Variants in CHLSN observed in about 807,000 individuals in gnomAD.
CHLSN encodes the protein protein cholesin.
chr7:1,004,913 G>C, the CHLSN span, among the ~76,000 whole-genome samples: 1 of 152,174 alleles, frequency 6.6e-6, no homozygotes, highest in Non-Finnish European at 1.5e-5. Context: ...GCTGCCTAGA[G>C]CGTCCCAGAG....
chr7:1,019,205 A>G, the CHLSN span, among the ~76,000 whole-genome samples: 1 of 86,228 alleles, frequency 1.2e-5, no homozygotes, highest in African/African-American at 4.8e-5. Context: ...AAAAAAAAAA[A>G]AAAAAACGGG....
At chr7:1,085,534 C>T in the CHLSN span, among the ~76,000 whole-genome samples, 1 of 152,164 alleles carries the variant, frequency 6.6e-6, no homozygotes. Context: ...AGATCAAGCA[C>T]GCAGAGCACC....
the CHLSN span, among the ~76,000 whole-genome samples, chr7:1,135,680 T>C: frequency 6.6e-6 from 1 of 150,484 alleles, no homozygotes; most frequent in Non-Finnish European, 1.5e-5. Flanking sequence ...GGCAGGAGAA[T>C]CGTTTGAATA....
At chr7:1,085,162 T>A in the CHLSN span, among the ~76,000 whole-genome samples, 1 of 152,258 alleles carries the variant, frequency 6.6e-6, no homozygotes, top group Non-Finnish European at 1.5e-5. Context: ...CTCTATGCAT[T>A]ATCCAGTATT....
At chr7:1,086,431 G>C in the CHLSN span, among the ~76,000 whole-genome samples, 1 of 152,178 alleles carries the variant, frequency 6.6e-6, no homozygotes, top group Non-Finnish European at 1.5e-5. Context: ...ATACAAAAAG[G>C]TACATATTAG....
chr7:1,123,795 G>A, the CHLSN span, among the ~76,000 whole-genome samples: 1 of 151,920 alleles, frequency 6.6e-6, no homozygotes, highest in Non-Finnish European at 1.5e-5. This position sits in a 1 kb window ranked among gnomAD's most constrained non-coding sequence, Gnocchi z 4.4. Context: ...AGTTTGCAGA[G>A]AATCCAGCTG....
At chr7:1,007,175 G>A in the CHLSN span, among the ~76,000 whole-genome samples, 1 of 152,204 alleles carries the variant, frequency 6.6e-6, no homozygotes, top group Admixed American at 6.5e-5. Flanking sequence ...GGGCTCACCA[G>A]AACAATCCGG....
At chr7:1,104,964 A>C in the CHLSN span, among the ~76,000 whole-genome samples, 2 of 152,234 alleles carry the variant, frequency 1.3e-5, no homozygotes, top group South Asian at 4.1e-4. Flanking sequence ...AACTGAGAAC[A>C]GTAAGTTCAG....
the CHLSN span, among the ~76,000 whole-genome samples, chr7:1,083,767 A>G: frequency 2.6e-5 from 4 of 152,184 alleles, no homozygotes; most frequent in African/African-American, 4.8e-5. Context: ...CTCCAGCTGC[A>G]GACACCAAAC....
chr7:1,085,669 C>T, the CHLSN span, among the ~76,000 whole-genome samples: 2 of 131,874 alleles, frequency 1.5e-5, no homozygotes, highest in African/African-American at 6.0e-5. Flanking sequence ...CTTATCTCTA[C>T]AAAAAAATTA....
the CHLSN span, among the ~76,000 whole-genome samples, chr7:1,015,571 G>C: frequency 6.6e-6 from 1 of 152,222 alleles, no homozygotes; most frequent in Non-Finnish European, 1.5e-5. Flanking sequence ...ACCTAAGAAA[G>C]GAGGGCAGAG....
chr7:1,052,697 G>A, the CHLSN span, among the ~76,000 whole-genome samples: 16 of 152,182 alleles, frequency 1.1e-4, 1 homozygote, highest in Admixed American at 4.6e-4. This position sits in a 1 kb window ranked among gnomAD's most constrained non-coding sequence, Gnocchi z 4.2. Flanking sequence ...GTGCAGTGGC[G>A]GGCCCCGGAA....
chr7:1,028,242 G>C, the CHLSN span: 16 of 1,092,344 alleles, frequency 1.5e-5, no homozygotes, highest in East Asian at 5.1e-4. Context: ...TGCGGGCCCT[G>C]GCCCCGCGCA....
chr7:1,089,962 T>C, the CHLSN span, among the ~76,000 whole-genome samples: 2 of 151,638 alleles, frequency 1.3e-5, no homozygotes, highest in Non-Finnish European at 2.9e-5. Context: ...TGCACACCTA[T>C]AATCCCAGAT....
At chr7:1,001,741 A>G in the CHLSN span, among the ~76,000 whole-genome samples, 1 of 67,494 alleles carries the variant, frequency 1.5e-5, no homozygotes, top group African/African-American at 6.5e-5. Context: ...GTGGGTGGGG[A>G]GTCCTGTGGG....
the CHLSN span, among the ~76,000 whole-genome samples, chr7:1,019,177 G>A: frequency 8.7e-6 from 1 of 114,386 alleles, no homozygotes; most frequent in African/African-American, 3.3e-5. Flanking sequence ...CTGGGCAATA[G>A]AGTGAGACTC....
chr7:1,021,671 G>A, the CHLSN span: 17 of 703,628 alleles, frequency 2.4e-5, no homozygotes, highest in Admixed American at 1.3e-4. Context: ...TGGGAACCCC[G>A]GCAGGTCGGC....
the CHLSN span, among the ~76,000 whole-genome samples, chr7:1,027,755 C>G: frequency 8.9e-4 from 135 of 152,392 alleles, 6 homozygotes; most frequent in South Asian, 0.027. Flanking sequence ...TCCTCTACCC[C>G]GGCACAGGGA....
the CHLSN span, among the ~76,000 whole-genome samples, chr7:1,007,704 C>T: frequency 4.6e-5 from 7 of 152,274 alleles, no homozygotes; most frequent in Admixed American, 1.3e-4. Context: ...AGTCCCCCCT[C>T]CTCCCACACG....
Sources: allele counts gnomAD v4.1 joint callset (sites outside exome capture counted in the v4.1 genomes callset), GRCh38; gene constraint gnomAD v4.1.1; non-coding constraint Gnocchi (gnomAD v3.1); transcripts MANE v1.5; gene names NCBI Gene and HGNC (gene_info 2026-07-23, HGNC 2026-07-21).